Variants in FHIT observed in about 807,000 individuals in gnomAD.
The protein encoded by FHIT is fragile histidine triad diadenosine triphosphatase.
Under a neutral mutation model 17.9 loss-of-function variants are expected in FHIT, and 19 were observed. The observed-to-expected ratio is 1.06, with a 90% CI of 0.74 to 1.56. The LOEUF (loss-of-function observed/expected upper bound fraction) is 1.56, where lower values mean the gene tolerates loss of function less well. Ranked by LOEUF, FHIT falls within the 40% of genes most tolerant of loss-of-function variation. FHIT has a pLI of 0.00. For synonymous variants in FHIT, 81 were observed against 69.7 expected, an observed-to-expected ratio of 1.16 and a Z score of -0.81; for missense variants, 248 against 189.2, an observed-to-expected ratio of 1.31 and a Z score of -1.82.
intron 3 of FHIT, among the ~76,000 whole-genome samples, chr3:60,902,596 G>C (rs911019991): frequency 1.3e-5 from 2 of 152,198 alleles, no homozygotes; most frequent in Admixed American, 6.5e-5. Context: ...ACAACTGACA[G>C]AACTATTGGT....
chr3:60,722,914 G>C (rs943754297), intron 4 of FHIT, among the ~76,000 whole-genome samples: 1 of 152,018 alleles, frequency 6.6e-6, no homozygotes, highest in African/African-American at 2.4e-5. Context: ...AGTAGAGACT[G>C]GGTTTCACCA....
At chr3:60,845,392 T>C (rs1248707616) in intron 3 of FHIT, among the ~76,000 whole-genome samples, 2 of 151,708 alleles carry the variant, frequency 1.3e-5, no homozygotes, top group African/African-American at 4.8e-5. Context: ...CCATAGCTAC[T>C]TAAGGGTAAA....
chr3:60,748,489 T>C (rs898456303), intron 4 of FHIT, among the ~76,000 whole-genome samples: 2 of 152,110 alleles, frequency 1.3e-5, no homozygotes, highest in Non-Finnish European at 2.9e-5. Flanking sequence ...ATAGCAAATA[T>C]AACCTGTACA....
intron 3 of FHIT, among the ~76,000 whole-genome samples, chr3:61,027,550 C>G (rs2032799220): frequency 6.6e-6 from 1 of 152,176 alleles, no homozygotes; most frequent in Non-Finnish European, 1.5e-5. Flanking sequence ...TGCCACAAAT[C>G]AAGACTCAAT....
intron 4 of FHIT, among the ~76,000 whole-genome samples, chr3:60,599,367 A>G (rs1482347355): frequency 1.3e-5 from 2 of 152,198 alleles, no homozygotes; most frequent in Non-Finnish European, 2.9e-5. Flanking sequence ...GCAAATATCA[A>G]TAGAATTAAG....
intron 3 of FHIT, among the ~76,000 whole-genome samples, chr3:60,915,031 C>T (rs1185842643): frequency 2.0e-5 from 3 of 152,196 alleles, no homozygotes; most frequent in Non-Finnish European, 2.9e-5. Flanking sequence ...ATAGTTCATA[C>T]ACCTCAATGT....
chr3:60,915,827 T>A (rs1706968521), intron 3 of FHIT, among the ~76,000 whole-genome samples: 1 of 152,110 alleles, frequency 6.6e-6, no homozygotes, highest in Non-Finnish European at 1.5e-5. Context: ...AAAATATACA[T>A]AGATATAATA....
intron 5 of FHIT, among the ~76,000 whole-genome samples, chr3:60,183,659 C>G (rs1702037093): frequency 6.6e-6 from 1 of 152,030 alleles, no homozygotes; most frequent in Admixed American, 6.6e-5. Context: ...CCAAGTCAAT[C>G]AAGGAAACTG....
chr3:61,007,075 T>C (rs1381245526), intron 3 of FHIT, among the ~76,000 whole-genome samples: 5 of 152,236 alleles, frequency 3.3e-5, no homozygotes, highest in African/African-American at 1.2e-4. Flanking sequence ...AAAGTCTCTA[T>C]ATGAAATTGT....
At position 60,644,131 on chromosome 3, in the gene FHIT, G is replaced by C. The variant is rs974745278; in HGVS notation, c.-17-107152C>G. On this transcript the variant is annotated intron_variant, in intron 4 of 9. Coordinates refer to ENST00000492590, the MANE Select transcript of FHIT (RefSeq NM_002012.4). Reference sequence around the variant, plus strand: ...AAATACTTCCTCTTACTATCCTGAAGGCCATATTTTAGGAAATGCTGCACT... The same window carrying C: ...AAATACTTCCTCTTACTATCCTGAACGCCATATTTTAGGAAATGCTGCACT... Among the ~76,000 whole-genome samples the C allele has an allele frequency of 3.3e-5, 5 of 152,070 alleles. No individual in the cohort carries two copies. The East Asian group carries it at 9.6e-4, about 29-fold the overall frequency.
rs368382127 is a variant in FHIT at position 59,981,687 on chromosome 3, T to C, written c.279+29684A>G. On this transcript the variant is annotated intron_variant, in intron 7 of 9. Coordinates refer to ENST00000492590, the MANE Select transcript of FHIT (RefSeq NM_002012.4). ...GATGCCCTTGATAATTAACAGTTCT[T>C]ATGGAGTCTCTCGAATGCTAAATGG... Among the ~76,000 whole-genome samples, 4 of 152,230 alleles carry C rather than the reference T, an allele frequency of 2.6e-5. No homozygotes were observed. The South Asian group carries it at 6.2e-4, about 24-fold the overall frequency.
intron 5 of FHIT, among the ~76,000 whole-genome samples, chr3:60,196,520 C>T (rs1702646787): frequency 6.6e-6 from 1 of 152,084 alleles, no homozygotes. Context: ...AACCTAATCA[C>T]ATCTGCAAAG....
Position 61,114,703 on chromosome 3 carries a change from T to C in FHIT, c.-163-72604A>G, listed in dbSNP as rs189135683. Among the ~76,000 whole-genome samples the C allele has an allele frequency of 1.8e-4, 28 of 152,282 alleles. No homozygotes were observed. The East Asian group carries it at 2.9e-3, about 16-fold the overall frequency. ...TGACCCTGTCCTGTTAATGCAATTGTAGTGAGTGAATTTTTTTTTACGTGT... is the reference window on the plus strand; with the variant it reads ...TGACCCTGTCCTGTTAATGCAATTGCAGTGAGTGAATTTTTTTTTACGTGT... On this transcript the variant is annotated intron_variant, in intron 2 of 9. Transcript: ENST00000492590.
chr3:59,753,065 T>G (rs1344749199), intron 8 of FHIT, among the ~76,000 whole-genome samples: 2 of 152,098 alleles, frequency 1.3e-5, no homozygotes, highest in Admixed American at 1.3e-4. Flanking sequence ...TTTGAAGGCA[T>G]TGAGTTTGCC....
intron 4 of FHIT, among the ~76,000 whole-genome samples, chr3:60,738,128 G>A (rs2042169080): frequency 6.6e-6 from 1 of 152,150 alleles, no homozygotes; most frequent in Non-Finnish European, 1.5e-5. Context: ...GGAAAGGGAG[G>A]AGGAGAACAT....
At chr3:61,213,144 C>A (rs1423421774) in intron 1 of FHIT, among the ~76,000 whole-genome samples, 1 of 152,178 alleles carries the variant, frequency 6.6e-6, no homozygotes, top group Non-Finnish European at 1.5e-5. Context: ...GGATCAAATT[C>A]ACACATAACA....
At chr3:59,828,332 A>C in intron 8 of FHIT, among the ~76,000 whole-genome samples, 1 of 152,224 alleles carries the variant, frequency 6.6e-6, no homozygotes, top group East Asian at 1.9e-4. Context: ...GTACCTACTA[A>C]GTAGGAAAAC....
At chr3:59,937,701 C>T (rs990713861) in intron 7 of FHIT, among the ~76,000 whole-genome samples, 3 of 152,174 alleles carry the variant, frequency 2.0e-5, no homozygotes, top group Admixed American at 6.6e-5. Flanking sequence ...GAACATTATT[C>T]TCCTTAACAG....
chr3:60,884,774 A>G (rs1274801782), intron 3 of FHIT, among the ~76,000 whole-genome samples: 1 of 151,906 alleles, frequency 6.6e-6, no homozygotes, highest in Non-Finnish European at 1.5e-5. Flanking sequence ...CTATAAAAAA[A>G]TTAACTGGCT....
Sources: allele counts gnomAD v4.1 joint callset (sites outside exome capture counted in the v4.1 genomes callset), GRCh38; gene constraint gnomAD v4.1.1; transcripts MANE v1.5; gene names NCBI Gene and HGNC (gene_info 2026-07-23, HGNC 2026-07-21).